The following GRID2 variants were observed in gnomAD, a reference collection of about 807,000 sequenced individuals.
GRID2 encodes the protein glutamate ionotropic receptor delta type subunit 2.
In GRID2, 33 loss-of-function variants were observed where a neutral mutation model predicts 114.8. The observed-to-expected ratio is 0.29, with a 90% confidence interval of 0.22 to 0.38. The LOEUF (loss-of-function observed/expected upper bound fraction) is 0.38, where lower values mean the gene tolerates loss of function less well. Among genes scored for constraint, GRID2 ranks in the 10% least tolerant of loss-of-function variants. The probability of loss-of-function intolerance (pLI) is 1.00; values close to 1 mark genes in which losing one functional copy is unlikely to be tolerated. For missense variants in GRID2, 1,184 were observed against 1,257.7 expected (o/e 0.94, Z 0.89); for synonymous variants, 505 against 449.9 (o/e 1.12, Z -1.55).
intron 2 of GRID2, among the ~76,000 whole-genome samples, chr4:92,704,723 T>TTCTCTCTCTCTCTCTCTCTCTCTC (rs373207037): frequency 1.1e-5 from 1 of 90,038 alleles, no homozygotes; most frequent in Non-Finnish European, 2.3e-5. Context: ...CTCTCTCTCT[T>TTCTCTCTCTCTCTCTCTCTCTCTC]TCTCTCTCTC....
At chr4:92,873,061 GA>G (rs1745388391) in intron 2 of GRID2, among the ~76,000 whole-genome samples, 1 of 152,092 alleles carries the variant, frequency 6.6e-6, no homozygotes, top group Admixed American at 6.6e-5. Context: ...TAATAGTATT[GA>G]GTATAAGAAT....
At chr4:92,719,021 C>T (rs1015779860) in intron 2 of GRID2, among the ~76,000 whole-genome samples, 1 of 151,466 alleles carries the variant, frequency 6.6e-6, no homozygotes, top group Non-Finnish European at 1.5e-5. Context: ...GAGTCTCGCT[C>T]TGTCACCCAG....
chr4:93,508,044 T>C (rs1728804454), intron 12 of GRID2, among the ~76,000 whole-genome samples: 1 of 151,976 alleles, frequency 6.6e-6, no homozygotes, highest in Non-Finnish European at 1.5e-5. Context: ...CATTAGGAGA[T>C]ATACCTAATG....
At chr4:93,518,045 A>C (rs1729973113) in intron 13 of GRID2, among the ~76,000 whole-genome samples, 1 of 118,530 alleles carries the variant, frequency 8.4e-6, no homozygotes, top group South Asian at 2.7e-4. Flanking sequence ...ATATATACGC[A>C]TATACTATAT....
intron 2 of GRID2, among the ~76,000 whole-genome samples, chr4:92,603,694 ATAATT>A (rs1729327121): frequency 6.6e-6 from 1 of 152,006 alleles, no homozygotes; most frequent in Non-Finnish European, 1.5e-5. Context: ...ACAAATAAAT[ATAATT>A]TAACTAAAGA....
At chr4:92,305,522 TGCCTCGCCTCGCCTC>T (rs542945235) in intron 1 of GRID2, among the ~76,000 whole-genome samples, 1 of 152,076 alleles carries the variant, frequency 6.6e-6, no homozygotes. Context: ...ATATCCGCCT[TGCCTCGCCTCGCCTC>T]GCCTCGCAGT....
chr4:92,925,757 GT>G (rs2149513325), intron 2 of GRID2, among the ~76,000 whole-genome samples: 1 of 152,068 alleles, frequency 6.6e-6, no homozygotes, highest in East Asian at 1.9e-4. Flanking sequence ...TAGTAACATA[GT>G]TTTAAAAGCT....
intron 7 of GRID2, among the ~76,000 whole-genome samples, chr4:93,226,556 C>A (rs1242100155): frequency 6.6e-6 from 1 of 152,176 alleles, no homozygotes; most frequent in East Asian, 1.9e-4. Flanking sequence ...CCTCAGGCAA[C>A]CCTGCTCCCA....
At chr4:92,681,477 G>T (rs556365543) in intron 2 of GRID2, among the ~76,000 whole-genome samples, 11 of 152,034 alleles carry the variant, frequency 7.2e-5, no homozygotes, top group African/African-American at 2.4e-4. Flanking sequence ...CCTACAAAGG[G>T]CATGAACTCA....
intron 2 of GRID2, among the ~76,000 whole-genome samples, chr4:92,745,031 G>A (rs1430473805): frequency 6.6e-6 from 1 of 152,242 alleles, no homozygotes; most frequent in East Asian, 1.9e-4. Context: ...GAAGATTCTA[G>A]CACTCAGTCC....
intron 1 of GRID2, chr4:93,806,687 T>C (rs1269914318): frequency 6.6e-6 from 1 of 152,264 alleles, no homozygotes; most frequent in South Asian, 2.1e-4. Flanking sequence ...TCAACCTTGA[T>C]GTGACCTTAT....
intron 8 of GRID2, among the ~76,000 whole-genome samples, chr4:93,311,254 T>C (rs903889009): frequency 6.6e-6 from 1 of 152,068 alleles, no homozygotes; most frequent in Non-Finnish European, 1.5e-5. Flanking sequence ...TCAGGCTGGC[T>C]AATGGGGTTT....
chr4:92,847,168 G>T (rs1213508026), intron 2 of GRID2, among the ~76,000 whole-genome samples: 1 of 152,028 alleles, frequency 6.6e-6, no homozygotes, highest in East Asian at 1.9e-4. Flanking sequence ...TTTAGCCATT[G>T]TCAGTGTTGC....
chr4:93,382,299 T>C (rs548636624), intron 8 of GRID2, among the ~76,000 whole-genome samples: 1 of 152,240 alleles, frequency 6.6e-6, no homozygotes, highest in East Asian at 1.9e-4. Context: ...TTGGGAGTTT[T>C]GGCCATTATG....
intron 13 of GRID2, among the ~76,000 whole-genome samples, chr4:93,566,862 C>A (rs1215669114): frequency 1.3e-5 from 2 of 152,064 alleles, no homozygotes; most frequent in Non-Finnish European, 2.9e-5. Flanking sequence ...ATTAACACAC[C>A]TGACTCTTTA....
At chr4:93,359,207 G>A (rs559460668) in intron 8 of GRID2, among the ~76,000 whole-genome samples, 7 of 152,006 alleles carry the variant, frequency 4.6e-5, no homozygotes, top group African/African-American at 1.2e-4. Context: ...CTCACATGTC[G>A]TCAGGGGTCC....
At chr4:93,606,922 A>G (rs1440749538) in intron 13 of GRID2, among the ~76,000 whole-genome samples, 1 of 152,172 alleles carries the variant, frequency 6.6e-6, no homozygotes, top group Non-Finnish European at 1.5e-5. Flanking sequence ...TTTATTCAGT[A>G]TTCTTTACTG....
At chr4:92,971,689 C>A (rs549502808) in intron 2 of GRID2, among the ~76,000 whole-genome samples, 7 of 152,088 alleles carry the variant, frequency 4.6e-5, no homozygotes, top group African/African-American at 1.7e-4. Flanking sequence ...TCTCCCTACC[C>A]CCACTCCTCC....
intron 1 of GRID2, among the ~76,000 whole-genome samples, chr4:92,382,977 G>A (rs1579272537): frequency 6.6e-6 from 1 of 152,074 alleles, no homozygotes; most frequent in East Asian, 1.9e-4. Flanking sequence ...CATCTGCTTG[G>A]CTCCTGGGAA....
Sources: allele counts gnomAD v4.1 joint callset (sites outside exome capture counted in the v4.1 genomes callset), GRCh38; gene constraint gnomAD v4.1.1; transcripts MANE v1.5; gene names NCBI Gene and HGNC (gene_info 2026-07-23, HGNC 2026-07-21).